PDZRN4: variants seen among roughly 807,000 people sequenced by gnomAD.
PDZRN4 encodes PDZ domain-containing RING finger protein 4.
PDZRN4 carries 70 observed loss-of-function variants against 99.0 expected under a neutral mutation model. That is an observed-to-expected ratio of 0.71 (90% CI 0.58 to 0.86). PDZRN4 has a LOEUF of 0.86. Among genes scored for constraint, PDZRN4 ranks in the 40% least tolerant of loss-of-function variants. The pLI is 0.00. For synonymous variants in PDZRN4, 551 were observed against 501.6 expected, an observed-to-expected ratio of 1.10 and a Z score of -1.32; for missense variants, 1,474 against 1,331.2, an observed-to-expected ratio of 1.11 and a Z score of -1.67.
intron 3 of PDZRN4, among the ~76,000 whole-genome samples, chr12:41,278,373 A>G (rs1028690717): frequency 2.0e-5 from 3 of 152,236 alleles, no homozygotes; most frequent in Non-Finnish European, 4.4e-5. Context: ...TCAGAAGGTT[A>G]ATCATTGAGA....
At chr12:41,470,704 A>G (rs1314755460) in intron 3 of PDZRN4, among the ~76,000 whole-genome samples, 1 of 151,784 alleles carries the variant, frequency 6.6e-6, no homozygotes, top group African/African-American at 2.4e-5. Context: ...TCCTGTGTCC[A>G]TGTGTTCTCA....
At chr12:41,545,109 A>G (rs1449438095) in intron 5 of PDZRN4, among the ~76,000 whole-genome samples, 1 of 152,236 alleles carries the variant, frequency 6.6e-6, no homozygotes, top group East Asian at 1.9e-4. Flanking sequence ...TTTCTAAACT[A>G]CAAATATGAT....
chr12:41,495,193 G>A (rs1183435238), intron 3 of PDZRN4, among the ~76,000 whole-genome samples: 2 of 151,922 alleles, frequency 1.3e-5, no homozygotes, highest in Non-Finnish European at 2.9e-5. Flanking sequence ...ATGTGTTTAT[G>A]GTGGAACAGT....
intron 4 of PDZRN4, among the ~76,000 whole-genome samples, chr12:41,507,937 G>T (rs1168173246): frequency 1.3e-5 from 2 of 151,824 alleles, no homozygotes; most frequent in African/African-American, 4.8e-5. Context: ...CAAAAAGCAA[G>T]GAAACAAATA....
chr12:41,485,700 T>C (rs1291464300), intron 3 of PDZRN4, among the ~76,000 whole-genome samples: 2 of 152,186 alleles, frequency 1.3e-5, no homozygotes, highest in Non-Finnish European at 2.9e-5. Flanking sequence ...AGCAAACTAT[T>C]TTAAATAAAT....
At chr12:41,231,442 G>A (rs1207373793) in intron 3 of PDZRN4, among the ~76,000 whole-genome samples, 1 of 152,000 alleles carries the variant, frequency 6.6e-6, no homozygotes, top group Non-Finnish European at 1.5e-5. Flanking sequence ...ACACTGCAAG[G>A]TAGTATAGCT....
intron 3 of PDZRN4, among the ~76,000 whole-genome samples, chr12:41,502,132 ATCTCAAG>A (rs1938121350): frequency 6.6e-6 from 1 of 151,976 alleles, no homozygotes. Flanking sequence ...TTTTTCATTT[ATCTCAAG>A]TCCAGTGGCT....
chr12:41,233,705 G>A lies in PDZRN4; in HGVS notation c.843+39517G>A, dbSNP rs544085965. On this transcript the variant is annotated intron_variant, in intron 3 of 9. Coordinates refer to ENST00000402685, the MANE Select transcript of PDZRN4 (RefSeq NM_001164595.2). ...TTGCAAGGACAAAAAACCAAACACC[G>A]CATGTTCTCACTCATAGGTGGGAAT... is the stretch of plus-strand genomic sequence containing the variant. Among the ~76,000 whole-genome samples the A allele has an allele frequency of 9.5e-4, 144 of 151,734 alleles. 1 individual carries two copies. The highest frequency in any genetic ancestry group is 3.0e-3 in the African/African-American group (124 of 41,346).
At chr12:41,416,530 T>C (rs1304658259) in intron 3 of PDZRN4, among the ~76,000 whole-genome samples, 2 of 151,128 alleles carry the variant, frequency 1.3e-5, no homozygotes, top group East Asian at 3.9e-4. Flanking sequence ...TCACCTGTAA[T>C]CCTATTCAGG....
intron 3 of PDZRN4, among the ~76,000 whole-genome samples, chr12:41,197,458 T>G (rs534759183): frequency 5.8e-4 from 89 of 152,274 alleles, no homozygotes; most frequent in Non-Finnish European, 9.0e-4. Flanking sequence ...GGAGTCAGTC[T>G]CCACAAGCAA....
chr12:41,230,993 T>C lies in PDZRN4; in HGVS notation c.843+36805T>C, dbSNP rs117626015. Reference sequence around the variant, plus strand: ...CCATGGTAGGATTAATTTAAAGTAATTCCCATCACTTCCCCTGTGGTTTAA... The same window carrying C: ...CCATGGTAGGATTAATTTAAAGTAACTCCCATCACTTCCCCTGTGGTTTAA... On this transcript the variant is annotated intron_variant, in intron 3 of 9. Transcript: ENST00000402685. 8.1e-3 allele frequency among the ~76,000 whole-genome samples: 1,236 copies of C among 152,214 alleles called. 31 individuals carry two copies. Among genetic ancestry groups the C allele is most frequent in the East Asian group, 0.062 (322 of 5,168 alleles).
intron 3 of PDZRN4, among the ~76,000 whole-genome samples, chr12:41,417,724 A>C (rs764835313): frequency 1.5e-4 from 23 of 152,220 alleles, no homozygotes; most frequent in Non-Finnish European, 4.4e-5. Flanking sequence ...GCATTCTCAG[A>C]TAGGTGATGG....
intron 3 of PDZRN4, among the ~76,000 whole-genome samples, chr12:41,317,650 T>C (rs1951647514): frequency 6.6e-6 from 1 of 152,168 alleles, no homozygotes; most frequent in African/African-American, 2.4e-5. Context: ...TTGCTCATAA[T>C]GATATAATTA....
intron 3 of PDZRN4, among the ~76,000 whole-genome samples, chr12:41,321,610 G>A (rs572922794): frequency 2.9e-4 from 44 of 152,216 alleles, no homozygotes; most frequent in South Asian, 6.2e-4. Flanking sequence ...TATTTATTCA[G>A]CTCACTTGTA....
intron 5 of PDZRN4, among the ~76,000 whole-genome samples, chr12:41,539,473 T>C (rs1251105210): frequency 6.6e-6 from 1 of 152,030 alleles, no homozygotes. Context: ...TTGGGAACAA[T>C]TATTATTACA....
chr12:41,287,073 T>G (rs140952558), intron 3 of PDZRN4, among the ~76,000 whole-genome samples: 36 of 152,276 alleles, frequency 2.4e-4, no homozygotes, highest in African/African-American at 7.9e-4. Flanking sequence ...CATCTTTTGA[T>G]GTAGTGATGT....
Position 41,314,962 on chromosome 12 carries a change from T to C in PDZRN4, c.843+120774T>C, listed in dbSNP as rs113927223. ...GCTTTAAGTCATCAAGAATGGTAAC[T>C]CATGCAGACAGAGGTCACCTAGGAG... On this transcript the variant is annotated intron_variant, in intron 3 of 9. Coordinates refer to ENST00000402685, the MANE Select transcript of PDZRN4 (RefSeq NM_001164595.2). 8.6e-3 allele frequency among the ~76,000 whole-genome samples: 1,309 copies of C among 152,236 alleles called. 10 individuals are homozygous for C. Among genetic ancestry groups the C allele is most frequent in the African/African-American group, 0.023 (952 of 41,558 alleles).
chr12:41,420,303 T>C (rs1231257395), intron 3 of PDZRN4, among the ~76,000 whole-genome samples: 1 of 152,188 alleles, frequency 6.6e-6, no homozygotes, highest in African/African-American at 2.4e-5. Context: ...CCCTTCAGCA[T>C]CTTCAGCCTC....
At chr12:41,482,070 C>T (rs1184985785) in intron 3 of PDZRN4, among the ~76,000 whole-genome samples, 1 of 152,070 alleles carries the variant, frequency 6.6e-6, no homozygotes, top group Non-Finnish European at 1.5e-5. Flanking sequence ...AAACATTCCA[C>T]AAATAACTGT....
Sources: allele counts gnomAD v4.1 joint callset (sites outside exome capture counted in the v4.1 genomes callset), GRCh38; gene constraint gnomAD v4.1.1; transcripts MANE v1.5; gene names NCBI Gene and HGNC (gene_info 2026-07-23, HGNC 2026-07-21).